DMD: variants seen among roughly 807,000 people sequenced by gnomAD.
DMD encodes mutant dystrophin.
A neutral mutation model predicts 330.1 loss-of-function variants in DMD; 63 were observed. The observed-to-expected ratio is 0.19, with a 90% CI of 0.16 to 0.24. The LOEUF is 0.24. DMD is among the 10% of genes least tolerant of loss of function. The pLI, the probability that DMD is intolerant of heterozygous loss-of-function variation, is 1.00. For missense variants in DMD, 3,344 were observed against 2,684.1 expected (o/e 1.25, Z -5.43); for synonymous variants, 1,223 against 959.8 (o/e 1.27, Z -5.07).
At chrX:32,864,184 T>G in intron 2 of DMD, among the ~76,000 whole-genome samples, 1 of 112,476 alleles carries the variant, frequency 8.9e-6, no homozygotes, top group African/African-American at 3.2e-5. Context: ...ATCGACTGGT[T>G]TATGTCAGCG....
intron 20 of DMD, among the ~76,000 whole-genome samples, chrX:32,485,960 C>A (rs1429834986): frequency 4.6e-5 from 5 of 109,174 alleles, no homozygotes; most frequent in Admixed American, 2.0e-4. Context: ...CCAGGCTGGT[C>A]TCAAACTGCT....
intron 44 of DMD, among the ~76,000 whole-genome samples, chrX:32,012,559 A>T (rs2095718407): frequency 8.9e-6 from 1 of 112,037 alleles, no homozygotes. Flanking sequence ...AAAGCTATAC[A>T]GCTTCTGTAT....
exon 1 of DMD, chrX:33,339,375 A>G: frequency 1.2e-6 from 1 of 849,536 alleles, no homozygotes; most frequent in African/African-American, 2.1e-5. Context: ...TCCTGAAAGC[A>G]TTCTATTACT....
At chrX:32,797,646 A>AT (rs1308473947) in intron 7 of DMD, among the ~76,000 whole-genome samples, 2 of 112,158 alleles carry the variant, frequency 1.8e-5, no homozygotes, top group African/African-American at 6.5e-5. Flanking sequence ...CATTGTGATG[A>AT]TATGACTAGG....
intron 7 of DMD, chrX:32,754,918 A>G (rs1310644579): frequency 3.6e-5 from 4 of 111,233 alleles, no homozygotes; most frequent in Non-Finnish European, 7.5e-5. Flanking sequence ...ATTTTATTTT[A>G]CCTTCAGTTC....
chrX:32,368,097 A>C (rs113004474), intron 34 of DMD, among the ~76,000 whole-genome samples: 9,114 of 111,287 alleles, frequency 0.082, 375 homozygotes, highest in Non-Finnish European at 0.12. Flanking sequence ...GACTTAAATA[A>C]GACTTAGCCT....
intron 44 of DMD, among the ~76,000 whole-genome samples, chrX:32,190,933 G>A (rs1270577399): frequency 9.1e-6 from 1 of 109,290 alleles, no homozygotes; most frequent in African/African-American, 3.3e-5. Flanking sequence ...CTTCTGCTCT[G>A]TACCTCTCTT....
Position 31,285,229 on chromosome X carries a change from G to A in DMD, c.9225-24213C>T, listed in dbSNP as rs145604445. 4.1e-3 allele frequency among the ~76,000 whole-genome samples: 458 copies of A among 111,615 alleles called. 1 individual carries two copies. Among genetic ancestry groups the A allele is most frequent in the African/African-American group, 0.014 (426 of 30,743 alleles). ...CAGTAATGAAGCAAACAACAAAGAG[G>A]GCCATTGGAGAAGAACAGTTATGCT... On this transcript the variant is annotated intron_variant, in intron 62 of 78. Coordinates refer to ENST00000357033, the MANE Select transcript of DMD (RefSeq NM_004006.3).
chrX:32,123,897 T>C (rs1472184825), intron 44 of DMD, among the ~76,000 whole-genome samples: 1 of 112,534 alleles, frequency 8.9e-6, no homozygotes, highest in Admixed American at 9.4e-5. Flanking sequence ...TTTCAATGTT[T>C]GAATTTTTTA....
intron 20 of DMD, among the ~76,000 whole-genome samples, chrX:32,487,937 A>T (rs1008713810): frequency 1.8e-5 from 2 of 111,912 alleles, no homozygotes; most frequent in African/African-American, 6.5e-5. Context: ...AATAATTTGT[A>T]TGCTAGATTT....
intron 55 of DMD, among the ~76,000 whole-genome samples, chrX:31,517,033 C>G (rs1432830398): frequency 1.8e-5 from 2 of 111,278 alleles, no homozygotes; most frequent in South Asian, 7.7e-4. Flanking sequence ...TTTAAGATCT[C>G]CTAGGTTGGA....
intron 44 of DMD, among the ~76,000 whole-genome samples, chrX:32,179,605 A>G (rs2096920295): frequency 8.9e-6 from 1 of 112,140 alleles, no homozygotes; most frequent in African/African-American, 3.2e-5. Flanking sequence ...TCAGGGGAGC[A>G]TACCTTGATA....
Position 32,127,941 on chromosome X carries a change from A to G in DMD, c.6438+88975T>C, listed in dbSNP as rs569660424. 9.8e-5 allele frequency among the ~76,000 whole-genome samples: 11 copies of G among 112,280 alleles called. No individual in the cohort carries two copies. The South Asian group carries it at 4.1e-3, about 41-fold the overall frequency. On this transcript the variant is annotated intron_variant, in intron 44 of 78. Transcript: ENST00000357033. Reference sequence around the variant, plus strand: ...TGCAAAGACATGTATTTGCAATTGCATTGCTCAAGAATGCCAGTTATGTCC... The same window carrying G: ...TGCAAAGACATGTATTTGCAATTGCGTTGCTCAAGAATGCCAGTTATGTCC...
chrX:32,227,830 T>C (rs1431540234), intron 43 of DMD, among the ~76,000 whole-genome samples: 3 of 111,511 alleles, frequency 2.7e-5, no homozygotes, highest in African/African-American at 9.8e-5. Context: ...ATTTCTAAAG[T>C]GTTGTTTAAA....
intron 16 of DMD, among the ~76,000 whole-genome samples, chrX:32,553,439 TA>T (rs2049815032): frequency 9.4e-6 from 1 of 106,645 alleles, no homozygotes; most frequent in African/African-American, 3.6e-5. Context: ...GGGTGAGGAT[TA>T]AAAAAACTAC....
rs1034786256 is a variant in DMD at position 33,106,308 on chromosome X, A to G, written c.32-86108T>C. On this transcript the variant is annotated intron_variant, in intron 1 of 78. Transcript: ENST00000357033. ...TGGAGGGGGTGGGAATGAGGGATAA[A>G]AAACTACATATTGGGTACAACGTAC... 6.3e-5 allele frequency among the ~76,000 whole-genome samples: 7 copies of G among 111,018 alleles called. No individual in the cohort carries two copies. The East Asian group carries it at 2.0e-3, about 32-fold the overall frequency.
chrX:31,643,525 A>T (rs897243065), intron 54 of DMD, among the ~76,000 whole-genome samples: 3 of 112,143 alleles, frequency 2.7e-5, no homozygotes, highest in Non-Finnish European at 5.6e-5. Context: ...GAAAAATAAT[A>T]GGATAAAAAT....
At chrX:31,296,148 G>GA (rs2054170402) in intron 62 of DMD, among the ~76,000 whole-genome samples, 1 of 111,084 alleles carries the variant, frequency 9.0e-6, no homozygotes, top group Admixed American at 9.6e-5. Flanking sequence ...GAAAAGATAG[G>GA]AAATCTCTTT....
At position 31,121,895 on chromosome X, in the gene DMD, C is replaced by T. The variant is rs372284841; in HGVS notation, c.*24G>A. On this transcript the variant is annotated 3_prime_UTR_variant, in exon 79 of 79. Coordinates refer to ENST00000357033, the MANE Select transcript of DMD (RefSeq NM_004006.3). The stretch of plus-strand genomic sequence containing the variant: ...AAGGACTCCATCGCTCTGCCCAAAT[C>T]ATCTGCCATGTGGAAAAGACTTCCT... 14 of 1,206,300 alleles carry T rather than the reference C, an allele frequency of 1.2e-5. No individual in the cohort carries two copies. The African/African-American group carries it at 2.3e-4, about 20-fold the overall frequency.
Sources: allele counts gnomAD v4.1 joint callset (sites outside exome capture counted in the v4.1 genomes callset), GRCh38; gene constraint gnomAD v4.1.1; transcripts MANE v1.5; gene names NCBI Gene and HGNC (gene_info 2026-07-23, HGNC 2026-07-21).